The following ELOVL6 variants were observed in gnomAD, a reference collection of about 807,000 sequenced individuals.
The protein encoded by ELOVL6 is very long chain fatty acid elongase 6.
Under a neutral mutation model 31.7 loss-of-function variants are expected in ELOVL6, and 8 were observed. The ratio of observed to expected loss-of-function variants is 0.25; its 90% CI spans 0.15 to 0.45. The LOEUF is 0.45. Ranked by LOEUF, ELOVL6 falls within the 20% of genes least tolerant of loss-of-function variation. The probability of loss-of-function intolerance (pLI) is 1.00; values close to 1 mark genes in which losing one functional copy is unlikely to be tolerated. For missense variants in ELOVL6, 126 were observed against 326.4 expected, an observed-to-expected ratio of 0.39 and a Z score of 4.73; for synonymous variants, 101 against 117.7, an observed-to-expected ratio of 0.86 and a Z score of 0.92.
At chr4:110,079,951 T>C (rs1302958290) in intron 2 of ELOVL6, among the ~76,000 whole-genome samples, 1 of 152,138 alleles carries the variant, frequency 6.6e-6, no homozygotes, top group East Asian at 1.9e-4. Context: ...CATCAGAGAA[T>C]GCTATAAACA....
intron 1 of ELOVL6, among the ~76,000 whole-genome samples, chr4:110,120,592 G>A (rs188190217): frequency 4.2e-4 from 64 of 152,146 alleles, no homozygotes; most frequent in East Asian, 1.9e-3. Flanking sequence ...TCCAGGCCAC[G>A]AAATTAAAAT....
chr4:110,129,185 T>C (rs1471715802), intron 1 of ELOVL6, among the ~76,000 whole-genome samples: 1 of 152,194 alleles, frequency 6.6e-6, no homozygotes, highest in Non-Finnish European at 1.5e-5. Context: ...TAATAATTAT[T>C]TTTAAGAATC....
At chr4:110,084,177 T>TATATATAACATATAACTTATATG (rs1386400053) in intron 2 of ELOVL6, among the ~76,000 whole-genome samples, 10 of 103,472 alleles carry the variant, frequency 9.7e-5, no homozygotes, top group Admixed American at 2.3e-4. Context: ...ATATATATGA[T>TATATATAACATATAACTTATATG]ATATATAACA....
intron 1 of ELOVL6, among the ~76,000 whole-genome samples, chr4:110,189,962 A>G (rs1264767565): frequency 7.4e-6 from 1 of 136,050 alleles, no homozygotes; most frequent in Non-Finnish European, 1.6e-5. Context: ...GCCAGACTCC[A>G]TCTCAAAAAA....
intron 1 of ELOVL6, among the ~76,000 whole-genome samples, chr4:110,107,351 G>A (rs924111239): frequency 6.6e-6 from 1 of 152,212 alleles, no homozygotes; most frequent in African/African-American, 2.4e-5. Context: ...TCTGTTGAAT[G>A]AACGTGGTCT....
chr4:110,160,204 G>A (rs773302056), intron 1 of ELOVL6, among the ~76,000 whole-genome samples: 3 of 152,064 alleles, frequency 2.0e-5, no homozygotes, highest in Non-Finnish European at 4.4e-5. Flanking sequence ...CTGACACCCT[G>A]TCTCCCTTGA....
At chr4:110,155,163 ATTTAATTTTG>A (rs1758379397) in intron 1 of ELOVL6, among the ~76,000 whole-genome samples, 1 of 152,170 alleles carries the variant, frequency 6.6e-6, no homozygotes. Context: ...TTCTATGAAC[ATTTAATTTTG>A]AAGTACCTAT....
chr4:110,060,220 C>T (rs553654159), intron 2 of ELOVL6, among the ~76,000 whole-genome samples: 3 of 152,342 alleles, frequency 2.0e-5, no homozygotes, highest in Admixed American at 6.5e-5. Context: ...CCTCTGGACT[C>T]GCCTTGCCAG....
chr4:110,137,280 C>T (rs1294292971), intron 1 of ELOVL6, among the ~76,000 whole-genome samples: 2 of 152,176 alleles, frequency 1.3e-5, no homozygotes, highest in Non-Finnish European at 2.9e-5. Context: ...ACTTAAGTAA[C>T]TAGCTGGTTG....
intron 2 of ELOVL6, among the ~76,000 whole-genome samples, chr4:110,083,205 T>C (rs1310305330): frequency 1.3e-5 from 2 of 151,730 alleles, no homozygotes; most frequent in Non-Finnish European, 2.9e-5. Context: ...ACATTAAAAA[T>C]AGCTTACTAA....
At chr4:110,097,301 T>G (rs1756608878) in intron 2 of ELOVL6, among the ~76,000 whole-genome samples, 1 of 73,448 alleles carries the variant, frequency 1.4e-5, no homozygotes, top group South Asian at 5.1e-4. Context: ...CGAGACTCCA[T>G]CTCCAAAAAA....
intron 1 of ELOVL6, among the ~76,000 whole-genome samples, chr4:110,196,042 C>G (rs1035161666): frequency 6.6e-6 from 1 of 152,170 alleles, no homozygotes; most frequent in Admixed American, 6.5e-5. Flanking sequence ...TGAGACCTGT[C>G]TGGCTCAGTA....
At chr4:110,129,488 T>A (rs1757604766) in intron 1 of ELOVL6, among the ~76,000 whole-genome samples, 1 of 152,246 alleles carries the variant, frequency 6.6e-6, no homozygotes, top group Admixed American at 6.5e-5. Flanking sequence ...TGCCCATCCA[T>A]GATACTCATT....
chr4:110,088,185 T>C (rs1756323071), intron 2 of ELOVL6, among the ~76,000 whole-genome samples: 1 of 152,208 alleles, frequency 6.6e-6, no homozygotes, highest in Non-Finnish European at 1.5e-5. Context: ...ACAGAGTGTG[T>C]TCTCACCAAA....
At chr4:110,150,100 C>T (rs1758239775) in intron 1 of ELOVL6, among the ~76,000 whole-genome samples, 1 of 152,052 alleles carries the variant, frequency 6.6e-6, no homozygotes, top group South Asian at 2.1e-4. Flanking sequence ...TTCATAGAGA[C>T]ACCGTCTCAC....
chr4:110,057,359 G>A (rs1030035759), intron 3 of ELOVL6, among the ~76,000 whole-genome samples: 8 of 151,932 alleles, frequency 5.3e-5, no homozygotes, highest in Admixed American at 1.3e-4. Context: ...AGTAGTAAAA[G>A]GTAGAAACTG....
chr4:110,110,614 C>G (rs1017932336), intron 1 of ELOVL6, among the ~76,000 whole-genome samples: 2 of 151,776 alleles, frequency 1.3e-5, no homozygotes, highest in African/African-American at 4.8e-5. Flanking sequence ...CAGACTGGTC[C>G]CCAACTCCTG....
At chr4:110,104,553 C>A (rs1369406936) in intron 2 of ELOVL6, among the ~76,000 whole-genome samples, 1 of 152,086 alleles carries the variant, frequency 6.6e-6, no homozygotes, top group Non-Finnish European at 1.5e-5. Context: ...ATGATAACAT[C>A]CATTTCTGCT....
intron 1 of ELOVL6, among the ~76,000 whole-genome samples, chr4:110,169,541 C>T (rs1416931908): frequency 6.6e-6 from 1 of 152,040 alleles, no homozygotes; most frequent in Admixed American, 6.5e-5. Context: ...CCATGCCTGG[C>T]CAGCCCAATA....
Sources: allele counts gnomAD v4.1 joint callset (sites outside exome capture counted in the v4.1 genomes callset), GRCh38; gene constraint gnomAD v4.1.1; transcripts MANE v1.5; gene names NCBI Gene and HGNC (gene_info 2026-07-23, HGNC 2026-07-21).